The following KIF26B variants were observed in gnomAD, a reference collection of about 807,000 sequenced individuals.
The protein encoded by KIF26B is kinesin-like protein KIF26B.
In KIF26B, 63 loss-of-function variants were observed where a neutral mutation model predicts 151.2. The ratio of observed to expected loss-of-function variants is 0.42; its 90% confidence interval spans 0.34 to 0.51. The LOEUF (loss-of-function observed/expected upper bound fraction) is 0.51. Among genes scored for constraint, KIF26B ranks in the 20% least tolerant of loss-of-function variants. The probability of loss-of-function intolerance (pLI) is 0.07; values close to 1 mark genes in which losing one functional copy is unlikely to be tolerated. For missense variants in KIF26B, 2,813 were observed against 2,913.6 expected, an observed-to-expected ratio of 0.97 and a Z score of 0.79; for synonymous variants, 1,357 against 1,262.1, an observed-to-expected ratio of 1.08 and a Z score of -1.59.
chr1:245,669,263 T>G (rs1468784385), intron 10 of KIF26B, among the ~76,000 whole-genome samples: 2 of 152,148 alleles, frequency 1.3e-5, no homozygotes, highest in Non-Finnish European at 2.9e-5. Flanking sequence ...TCTTCACAGG[T>G]ATAGCCTATG....
intron 2 of KIF26B, among the ~76,000 whole-genome samples, chr1:245,221,826 G>T (rs10924124): frequency 6.6e-6 from 1 of 152,266 alleles, no homozygotes; most frequent in African/African-American, 2.4e-5. Context: ...AATTTTAAAT[G>T]TGATTGTTTT....
At chr1:245,209,682 C>T (rs917334284) in intron 2 of KIF26B, among the ~76,000 whole-genome samples, 1 of 152,122 alleles carries the variant, frequency 6.6e-6, no homozygotes, top group African/African-American at 2.4e-5. Context: ...GGGTAAATTC[C>T]GAGAACATTG....
chr1:245,663,152 C>T (rs888045569), intron 10 of KIF26B, among the ~76,000 whole-genome samples: 3 of 151,938 alleles, frequency 2.0e-5, no homozygotes, highest in South Asian at 2.1e-4. Flanking sequence ...GGTCCCCTGT[C>T]GTGTTTGGGG....
intron 2 of KIF26B, among the ~76,000 whole-genome samples, chr1:245,316,217 G>A (rs1189661369): frequency 6.6e-6 from 1 of 151,774 alleles, no homozygotes. Flanking sequence ...CGCCTCCCAG[G>A]TTCAAGCGAT....
Position 245,157,636 on chromosome 1 carries a change from C to T in KIF26B, c.465+953C>T, listed in dbSNP as rs1668468745. Among the ~76,000 whole-genome samples the T allele has an allele frequency of 2.0e-5, 3 of 152,156 alleles. No individual in the cohort carries two copies. The South Asian group carries it at 6.2e-4, about 32-fold the overall frequency. On this transcript the variant is annotated intron_variant, in intron 2 of 14. Transcript: ENST00000407071. ...GGCAAGGGTTAAATTCAACAAATGC[C>T]CACAGACGCTGTGAAACTTAAAATG...
At chr1:245,210,905 C>A (rs2103543549) in intron 2 of KIF26B, among the ~76,000 whole-genome samples, 1 of 152,310 alleles carries the variant, frequency 6.6e-6, no homozygotes, top group Admixed American at 6.5e-5. Context: ...ACACATTTGC[C>A]TCTCCACAGC....
chr1:245,342,983 G>A (rs1236193870), intron 2 of KIF26B, among the ~76,000 whole-genome samples: 1 of 151,884 alleles, frequency 6.6e-6, no homozygotes, highest in Non-Finnish European at 1.5e-5. Context: ...CTACTTGGGA[G>A]GCTGAGGCAG....
At position 245,602,367 on chromosome 1, in the gene KIF26B, C is replaced by T. The variant is rs2043405422; in HGVS notation, c.1351-210C>T. On this transcript the variant is annotated intron_variant, in intron 5 of 14. Transcript: ENST00000407071. This position sits in a 1 kb window ranked among gnomAD's most constrained non-coding sequence, Gnocchi z 4.5. ...CTCCATATTGAAGTAATGGGCATATCAAAATATTCTACCTGGTAATTATAA... is the reference window on the plus strand; with the variant it reads ...CTCCATATTGAAGTAATGGGCATATTAAAATATTCTACCTGGTAATTATAA... Among the ~76,000 whole-genome samples, 1 of 152,152 alleles carries T rather than the reference C, an allele frequency of 6.6e-6. No homozygotes were observed.
At chr1:245,633,114 T>G (rs1204792141) in intron 9 of KIF26B, among the ~76,000 whole-genome samples, 2 of 151,922 alleles carry the variant, frequency 1.3e-5, no homozygotes, top group African/African-American at 4.8e-5. Flanking sequence ...TTTGTCACTT[T>G]TTATGTTTTT....
At chr1:245,682,259 GA>G (rs925444389) in intron 10 of KIF26B, among the ~76,000 whole-genome samples, 36 of 151,278 alleles carry the variant, frequency 2.4e-4, no homozygotes, top group South Asian at 1.0e-3. Context: ...AAAAAAGAAA[GA>G]AAAAAAAAGT....
intron 3 of KIF26B, among the ~76,000 whole-genome samples, chr1:245,400,360 A>G (rs1187010228): frequency 6.6e-6 from 1 of 152,240 alleles, no homozygotes; most frequent in Non-Finnish European, 1.5e-5. Context: ...GGTTACAGAC[A>G]AGAACAAATT....
intron 2 of KIF26B, among the ~76,000 whole-genome samples, chr1:245,360,677 C>T (rs553894555): frequency 6.6e-6 from 1 of 152,274 alleles, no homozygotes; most frequent in South Asian, 2.1e-4. Context: ...TCAAAATAGT[C>T]AACACTGTCC....
intron 2 of KIF26B, among the ~76,000 whole-genome samples, chr1:245,307,346 G>A (rs1671574289): frequency 6.6e-6 from 1 of 152,138 alleles, no homozygotes; most frequent in Non-Finnish European, 1.5e-5. Context: ...ATTGTGATCT[G>A]GTAAATAAAT....
intron 4 of KIF26B, among the ~76,000 whole-genome samples, chr1:245,520,128 A>AGAGAGAGAGG (rs1558196995): frequency 6.6e-6 from 1 of 151,740 alleles, no homozygotes; most frequent in Non-Finnish European, 1.5e-5. Flanking sequence ...AGAGAGAGAG[A>AGAGAGAGAGG]GAGAGAGAGA....
intron 2 of KIF26B, among the ~76,000 whole-genome samples, chr1:245,260,278 T>C (rs572475952): frequency 1.3e-5 from 2 of 152,294 alleles, no homozygotes; most frequent in East Asian, 3.9e-4. Flanking sequence ...TGCAACATTC[T>C]TGGGCCTTTC....
chr1:245,310,812 G>C (rs768462772), intron 2 of KIF26B, among the ~76,000 whole-genome samples: 4 of 152,156 alleles, frequency 2.6e-5, no homozygotes, highest in Non-Finnish European at 4.4e-5. Flanking sequence ...GGGAAGCCCC[G>C]CTGGGCCGGC....
chr1:245,545,932 GT>G (rs1245651701), intron 5 of KIF26B, among the ~76,000 whole-genome samples: 1 of 152,236 alleles, frequency 6.6e-6, no homozygotes, highest in East Asian at 1.9e-4. Flanking sequence ...CATGTTATCT[GT>G]TTGACTTGCT....
chr1:245,234,900 C>T (rs540607432), intron 2 of KIF26B, among the ~76,000 whole-genome samples: 1 of 152,276 alleles, frequency 6.6e-6, no homozygotes, highest in South Asian at 2.1e-4. Flanking sequence ...TTAGCCAATC[C>T]GTTGGACACC....
chr1:245,633,822 A>T (rs568569868), intron 9 of KIF26B, among the ~76,000 whole-genome samples: 2 of 151,860 alleles, frequency 1.3e-5, no homozygotes, highest in South Asian at 4.2e-4. Context: ...GGTATTTTTA[A>T]TTTTTTTTGA....
Sources: allele counts gnomAD v4.1 joint callset (sites outside exome capture counted in the v4.1 genomes callset), GRCh38; gene constraint gnomAD v4.1.1; non-coding constraint Gnocchi (gnomAD v3.1); transcripts MANE v1.5; gene names NCBI Gene and HGNC (gene_info 2026-07-23, HGNC 2026-07-21).